KDM4C: variants seen among roughly 807,000 people sequenced by gnomAD.
KDM4C encodes the protein lysine-specific demethylase 4C.
Under a neutral mutation model 129.3 loss-of-function variants are expected in KDM4C, and 81 were observed. The observed-to-expected ratio is 0.63, with a 90% CI of 0.52 to 0.75. The LOEUF is 0.75. KDM4C is among the 30% of genes least tolerant of loss of function. The pLI is 0.00. For missense variants in KDM4C, 1,457 were observed against 1,304.0 expected (o/e 1.12, Z -1.81); for synonymous variants, 573 against 456.1 (o/e 1.26, Z -3.26).
chr9:7,017,511 T>G (rs888677580), intron 15 of KDM4C, among the ~76,000 whole-genome samples: 1 of 152,152 alleles, frequency 6.6e-6, no homozygotes, highest in African/African-American at 2.4e-5. Context: ...GTTATAAAAG[T>G]TTAGCTTACT....
At chr9:6,764,049 G>A (rs7853914) in intron 1 of KDM4C, among the ~76,000 whole-genome samples, 29 of 152,248 alleles carry the variant, frequency 1.9e-4, no homozygotes, top group African/African-American at 6.7e-4. Flanking sequence ...ATGAGCCACC[G>A]CTCCCAGCCA....
At chr9:7,032,460 G>C (rs550703600) in intron 15 of KDM4C, among the ~76,000 whole-genome samples, 8 of 152,296 alleles carry the variant, frequency 5.3e-5, no homozygotes, top group Admixed American at 3.9e-4. Context: ...TTCTGCTTTA[G>C]AGAAAGTAGT....
intron 12 of KDM4C, among the ~76,000 whole-genome samples, chr9:6,992,785 C>T (rs1189374802): frequency 6.6e-6 from 1 of 152,202 alleles, no homozygotes; most frequent in African/African-American, 2.4e-5. Context: ...TTGCACTCCT[C>T]ATACGTAGGA....
chr9:6,931,830 A>G (rs763890154), intron 8 of KDM4C, among the ~76,000 whole-genome samples: 1 of 152,246 alleles, frequency 6.6e-6, no homozygotes, highest in African/African-American at 2.4e-5. Flanking sequence ...TGGCAGTCTT[A>G]TATGAGAAAA....
intron 19 of KDM4C, among the ~76,000 whole-genome samples, chr9:7,158,060 A>C (rs1843378575): frequency 6.6e-6 from 1 of 152,134 alleles, no homozygotes; most frequent in Admixed American, 6.5e-5. Context: ...TCAGTGATTT[A>C]ACTTCTTCCT....
At chr9:7,092,614 A>C (rs1284015124) in intron 17 of KDM4C, among the ~76,000 whole-genome samples, 1 of 152,192 alleles carries the variant, frequency 6.6e-6, no homozygotes, top group Non-Finnish European at 1.5e-5. Context: ...ACTGCCGTGA[A>C]GCTTGCTGGG....
intron 4 of KDM4C, among the ~76,000 whole-genome samples, chr9:6,842,351 C>G (rs1837111050): frequency 1.7e-5 from 2 of 119,546 alleles, no homozygotes; most frequent in Non-Finnish European, 3.2e-5. Context: ...GAGTCTTGCT[C>G]TGTCACCTAG....
intron 1 of KDM4C, chr9:6,721,100 C>G (rs1588022688): frequency 1.8e-6 from 2 of 1,135,614 alleles, no homozygotes; most frequent in East Asian, 2.6e-5. Context: ...TTTTTAGAAT[C>G]AAGGTCTCTG....
chr9:7,015,176 C>G (rs747215624), intron 14 of KDM4C, among the ~76,000 whole-genome samples: 1 of 152,006 alleles, frequency 6.6e-6, no homozygotes, highest in Non-Finnish European at 1.5e-5. Context: ...CAGAAATTTT[C>G]AAAAATTACT....
intron 18 of KDM4C, among the ~76,000 whole-genome samples, chr9:7,126,463 G>A (rs936633421): frequency 2.6e-5 from 4 of 152,130 alleles, no homozygotes; most frequent in South Asian, 2.1e-4. Context: ...GGTTTATATT[G>A]TAGAAGCCAA....
intron 3 of KDM4C, among the ~76,000 whole-genome samples, chr9:6,814,004 A>G (rs1253578245): frequency 1.3e-5 from 2 of 152,160 alleles, no homozygotes; most frequent in East Asian, 1.9e-4. Flanking sequence ...GTTATTGTAC[A>G]CATCTCTCTG....
At position 6,961,752 on chromosome 9, in the gene KDM4C, T is replaced by A. The variant is rs180994366; in HGVS notation, c.922-19173T>A. Among the ~76,000 whole-genome samples, 19 of 152,330 alleles carry A rather than the reference T, an allele frequency of 1.2e-4. No individual in the cohort carries two copies. In the East Asian group the frequency reaches 2.5e-3, roughly 20 times the overall value. On this transcript the variant is annotated intron_variant, in intron 8 of 21. Transcript: ENST00000381309. The stretch of plus-strand genomic sequence containing the variant: ...AATAAAAACATGGTGACCTCTTTGA[T>A]GGTATTTAGCTTTATTACTTTTCTG...
intron 15 of KDM4C, among the ~76,000 whole-genome samples, chr9:7,021,939 A>T (rs985226155): frequency 5.9e-5 from 9 of 152,096 alleles, no homozygotes; most frequent in African/African-American, 2.2e-4. Flanking sequence ...TATTCTTGTC[A>T]TCTTTGTTGA....
chr9:6,981,199 C>G, intron 9 of KDM4C, 81 bp downstream of exon 9: 1 of 1,077,354 alleles, frequency 9.3e-7, no homozygotes, highest in Non-Finnish European at 1.3e-6. Flanking sequence ...TGGCAATTTA[C>G]TTGCTTTTTC....
intron 5 of KDM4C, among the ~76,000 whole-genome samples, chr9:6,873,941 CGAGA>C (rs61477112): frequency 0.055 from 7,264 of 132,030 alleles, 272 homozygotes; most frequent in African/African-American, 0.13. Context: ...TGAGAGAGAG[CGAGA>C]GAGAGAGAGA....
At chr9:6,804,037 G>A (rs1829510569) in intron 2 of KDM4C, among the ~76,000 whole-genome samples, 1 of 152,120 alleles carries the variant, frequency 6.6e-6, no homozygotes, top group African/African-American at 2.4e-5. Flanking sequence ...TGGCTAGGCT[G>A]GTCTAGAACT....
At chr9:6,948,918 A>C (rs977753315) in intron 8 of KDM4C, among the ~76,000 whole-genome samples, 5 of 152,140 alleles carry the variant, frequency 3.3e-5, no homozygotes, top group Admixed American at 6.5e-5. Context: ...TGATTTCTCT[A>C]TCTTTTCCCC....
chr9:7,077,251 C>A, intron 17 of KDM4C: 1 of 983,104 alleles, frequency 1.0e-6, no homozygotes, highest in East Asian at 1.1e-4. Context: ...ATTAAAGATG[C>A]CATTTGCATG....
At chr9:6,775,586 A>C (rs1044435890) in intron 1 of KDM4C, among the ~76,000 whole-genome samples, 1 of 151,666 alleles carries the variant, frequency 6.6e-6, no homozygotes, top group Non-Finnish European at 1.5e-5. Flanking sequence ...GCAGTGGCAC[A>C]ATCTCGGCTC....
Sources: gnomAD v4.1 joint callset for allele counts (sites outside exome capture counted in the v4.1 genomes callset) on GRCh38, gnomAD v4.1.1 for gene constraint, MANE v1.5 for transcripts, NCBI Gene and HGNC (gene_info 2026-07-23, HGNC 2026-07-21) for gene names.